Variants in BMS1 observed in about 807,000 individuals in gnomAD.
BMS1 encodes BMS1 ribosome biogenesis factor, also known as ribosome biogenesis protein BMS1 homolog.
In BMS1, 53 loss-of-function variants were observed where a neutral mutation model predicts 138.7. That is an observed-to-expected ratio of 0.38 (90% CI 0.31 to 0.48). The LOEUF (loss-of-function observed/expected upper bound fraction) is 0.48. Ranked by LOEUF, BMS1 falls within the 20% of genes least tolerant of loss-of-function variation. The probability of loss-of-function intolerance (pLI) is 0.97; values close to 1 mark genes in which losing one functional copy is unlikely to be tolerated. For missense variants in BMS1, 1,360 were observed against 1,565.5 expected (o/e 0.87, Z 2.22); for synonymous variants, 504 against 539.9 (o/e 0.93, Z 0.92).
Position 42,790,389 on chromosome 10 carries a change from C to T in BMS1, c.514C>T (p.Gln172Ter), listed in dbSNP as rs1157332508. ...AACGTTTGAGTTTCTAAACATCTGTCAAGTACATGGCTTTCCTAAAATTAT... is the reference window on the plus strand; with the variant it reads ...AACGTTTGAGTTTCTAAACATCTGTTAAGTACATGGCTTTCCTAAAATTAT... ...METFEFLNIC[Q>*]VHGFPKIMGV... The change falls in exon 5 of 23, where the codon CAA becomes TAA. Residue 172 changes from glutamine to a stop codon, truncating the protein, a stop_gained. Coordinates refer to ENST00000374518, the MANE Select transcript of BMS1 (RefSeq NM_014753.4). LOFTEE classifies it high-confidence loss of function. 6.2e-7 allele frequency: 1 copy of T among 1,613,896 alleles called. No individual in the cohort carries two copies. The highest frequency in any genetic ancestry group is 1.7e-5 in the Admixed American group (1 of 60,020).
rs555871123 is a variant in BMS1, at chr10:42,820,125, C to T, written c.2581-111C>T. ...AGTATTTTTAATAGGGTAAAGCCTA[C>T]ATAATTCTGTCCACAGTTCCTTTAC... On this transcript the variant is annotated intron_variant, in intron 15 of 22. Transcript: ENST00000374518. The T allele has an allele frequency of 5.1e-6, 7 of 1,361,370 alleles. No individual in the cohort carries two copies. In the African/African-American group the frequency reaches 5.8e-5, roughly 11 times the overall value. 84.3% of individuals were successfully genotyped at this position (1,361,370 alleles called of 1,614,324 possible). A position where few individuals can be genotyped will look rare whatever the true frequency, so the allele number is the denominator to read the frequency against.
chr10:42,787,731 G>A (rs559181217), intron 4 of BMS1, among the ~76,000 whole-genome samples: 1 of 152,272 alleles, frequency 6.6e-6, no homozygotes, highest in East Asian at 1.9e-4. Context: ...GTGAAGTTGG[G>A]ACCCTTGTTC....
rs751088511 is a variant in BMS1 at position 42,823,737 on chromosome 10, C to T, written c.3409C>T (p.Leu1137Phe). 1 of 1,595,758 alleles carries T rather than the reference C, an allele frequency of 6.3e-7. No individual in the cohort carries two copies. Among genetic ancestry groups the T allele is most frequent in the South Asian group, 1.1e-5 (1 of 90,758 alleles). The change falls in exon 21 of 23, where the codon CTC becomes TTC. Residue 1137 changes from leucine (L) to phenylalanine (F), a missense_variant. Physicochemically the swap from Leu to Phe is conservative, Grantham distance 22. This residue lies in a region of BMS1 where 425 missense variants were observed against 568.3 expected (regional missense o/e 0.75). Coordinates refer to ENST00000374518, the MANE Select transcript of BMS1 (RefSeq NM_014753.4). ...AATGCGGACCACGGGCCAACTCAGG[C>T]TCGCCCATGGCGTCAGACTAAAGGC... ...SGMRTTGQLR[L>F]AHGVRLKANK...
chr10:42,785,692 A>G lies in BMS1; in HGVS notation c.367+20A>G, dbSNP rs770543671. On this transcript the variant is annotated intron_variant, in intron 3 of 22. Transcript: ENST00000374518. ...TGTCAGGTAGGAGATGCCACCACAG[A>G]CACAGAGTTGGCGTGGCTGTTGTCA... 8.1e-6 allele frequency: 13 copies of G among 1,609,212 alleles called. No individual in the cohort carries two copies. In the Admixed American group the frequency reaches 1.8e-4, roughly 23 times the overall value.
chr10:42,791,922 C>G (rs1183278020), intron 6 of BMS1, among the ~76,000 whole-genome samples, 153 bp downstream of exon 6: 4 of 152,110 alleles, frequency 2.6e-5, no homozygotes, highest in Admixed American at 2.6e-4. Flanking sequence ...TATCATTGCT[C>G]AAAGATGCCG....
chr10:42,816,952 G>A (rs1417082473), intron 14 of BMS1, among the ~76,000 whole-genome samples: 1 of 152,082 alleles, frequency 6.6e-6, no homozygotes, highest in African/African-American at 2.4e-5. Flanking sequence ...TTCAACCATT[G>A]GCATCATTCT....
At chr10:42,790,087 G>A (rs1042927318) in intron 4 of BMS1, among the ~76,000 whole-genome samples, 1 of 152,178 alleles carries the variant, frequency 6.6e-6, no homozygotes, top group African/African-American at 2.4e-5. Context: ...CCAGGGCCAG[G>A]TAGTAGATAT....
chr10:42,783,021 G>C (rs1017452567), intron 1 of BMS1, among the ~76,000 whole-genome samples, 191 bp downstream of exon 1: 2 of 152,040 alleles, frequency 1.3e-5, no homozygotes, highest in African/African-American at 4.8e-5. Flanking sequence ...ATGAATCCCT[G>C]CAGAGAGCCC....
chr10:42,830,871 T>A lies in BMS1; in HGVS notation c.3624T>A (p.Leu1208=), dbSNP rs776010112. ...CCGGCTTTTGTCCTTGTCAGATCCT[T>A]GCACTGCTGGATGCTCTGAGTACGG... ...VIREPHERKI[L]ALLDALSTVH... Residue 1208 remains leucine, a synonymous_variant, in exon 23 of 23, where the codon CTT becomes CTA. Coordinates refer to ENST00000374518, the MANE Select transcript of BMS1 (RefSeq NM_014753.4). The A allele has an allele frequency of 1.9e-6, 3 of 1,609,936 alleles. No individual in the cohort carries two copies. The East Asian group carries it at 6.7e-5, about 36-fold the overall frequency.
At chr10:42,818,915 G>A (rs758638624) in intron 15 of BMS1, among the ~76,000 whole-genome samples, 2 of 152,164 alleles carry the variant, frequency 1.3e-5, no homozygotes, top group Non-Finnish European at 2.9e-5. Flanking sequence ...ACATGGAGGC[G>A]AAGCATTGTT....
rs181996352 is a variant in BMS1, at chr10:42,830,027, G to T, written c.3457-234G>T. On this transcript the variant is annotated intron_variant, in intron 21 of 22. Coordinates refer to ENST00000374518, the MANE Select transcript of BMS1 (RefSeq NM_014753.4). ...CATAGAAATGGGCACAGTGGGTTTT[G>T]GGGGGAGAGTTGTAAGTGTAAGCTG... 5.3e-3 allele frequency among the ~76,000 whole-genome samples: 808 copies of T among 152,196 alleles called. 31 individuals carry two copies. Among genetic ancestry groups the T allele is most frequent in the Admixed American group, 0.047 (713 of 15,280 alleles).
At chr10:42,790,900 G>A (rs190050056) in intron 5 of BMS1, among the ~76,000 whole-genome samples, 13 of 151,040 alleles carry the variant, frequency 8.6e-5, no homozygotes, top group African/African-American at 2.4e-4. Context: ...TCTAGGATTC[G>A]CCTCCTGAAT....
chr10:42,800,892 T>G (rs17158193), intron 12 of BMS1, among the ~76,000 whole-genome samples: 15,233 of 152,244 alleles, frequency 0.1, 913 homozygotes, highest in African/African-American at 0.14. Flanking sequence ...TAAGTTTCAC[T>G]GTGATGTCAT....
chr10:42,824,665 A>G (rs1842589797), intron 21 of BMS1, among the ~76,000 whole-genome samples: 1 of 152,140 alleles, frequency 6.6e-6, no homozygotes, highest in Non-Finnish European at 1.5e-5. Context: ...ATTTTTGTGT[A>G]TGGTGTATGA....
At position 42,831,227 on chromosome 10, in the gene BMS1, C is replaced by A; in HGVS notation, c.*131C>A. The A allele has an allele frequency of 1.0e-6, 1 of 989,470 alleles. No individual in the cohort carries two copies. Among genetic ancestry groups the A allele is most frequent in the Non-Finnish European group, 1.5e-6 (1 of 680,444 alleles). The allele number at this position is 989,470 out of a possible 1,614,324, so 61.3% of individuals were successfully genotyped here. On this transcript the variant is annotated 3_prime_UTR_variant, in exon 23 of 23. Coordinates refer to ENST00000374518, the MANE Select transcript of BMS1 (RefSeq NM_014753.4). ...GATGTCTCTACTCAAACTGTGCCTGCAGGAGGAGGAACAGAGAAGCCTGGG... is the reference window on the plus strand; with the variant it reads ...GATGTCTCTACTCAAACTGTGCCTGAAGGAGGAGGAACAGAGAAGCCTGGG...
At position 42,802,217 on chromosome 10, in the gene BMS1, T is replaced by C. The variant is rs1374971261; in HGVS notation, c.2328T>C (p.Asp776=). Residue 776 remains aspartate, a splice_region_variant and synonymous_variant, in exon 13 of 23, where the codon GAT becomes GAC. Transcript: ENST00000374518. ...ATGCAGCCAAGGTCTTAGCAGAAGA[T>C]GGTAAGTAAAGAGCTGGGTTCTTCA... ...DKDAAKVLAE[D]EELYGDFEDL... 3 of 1,613,142 alleles carry C rather than the reference T, an allele frequency of 1.9e-6. No homozygotes were observed. Among genetic ancestry groups the C allele is most frequent in the Non-Finnish European group, 1.7e-6 (2 of 1,179,398 alleles).
chr10:42,791,689 C>T lies in BMS1; in HGVS notation c.699C>T (p.His233=). Residue 233 remains histidine, a synonymous_variant, in exon 6 of 23, where the codon CAC becomes CAT. Coordinates refer to ENST00000374518, the MANE Select transcript of BMS1 (RefSeq NM_014753.4). ...GAGAATATCAAAACCAAGAAATCCA[C>T]AATCTGGGCCGTTTTATTACAGTTA... The part of the protein sequence containing the change: ...VHGEYQNQEI[H]NLGRFITVMK... The T allele has an allele frequency of 1.2e-6, 2 of 1,613,824 alleles. No homozygotes were observed. The highest frequency in any genetic ancestry group is 1.7e-6 in the Non-Finnish European group (2 of 1,179,756).
chr10:42,798,243 G>A (rs1841751255), intron 11 of BMS1, among the ~76,000 whole-genome samples: 1 of 152,156 alleles, frequency 6.6e-6, no homozygotes, highest in Non-Finnish European at 1.5e-5. Context: ...CCGTGCAGGA[G>A]CACAGGAGCC....
chr10:42,800,525 A>ATTTT (rs71533043), intron 12 of BMS1, among the ~76,000 whole-genome samples: 2 of 131,324 alleles, frequency 1.5e-5, no homozygotes, highest in African/African-American at 5.7e-5. Flanking sequence ...TAAATGCTTG[A>ATTTT]TTTTTTTTTT....
Sources: allele counts gnomAD v4.1 joint callset (sites outside exome capture counted in the v4.1 genomes callset), GRCh38; gene constraint gnomAD v4.1.1; regional missense constraint gnomAD v4.1.1; transcripts MANE v1.5; gene names NCBI Gene and HGNC (gene_info 2026-07-23, HGNC 2026-07-21).